The following NEDD4L variants were observed in gnomAD, a reference collection of about 807,000 sequenced individuals.
NEDD4L encodes E3 ubiquitin-protein ligase NEDD4-like.
A neutral mutation model predicts 148.9 loss-of-function variants in NEDD4L; 54 were observed. That is an observed-to-expected ratio of 0.36 (90% CI 0.29 to 0.45). The LOEUF (loss-of-function observed/expected upper bound fraction) is 0.45, where lower values mean the gene tolerates loss of function less well. NEDD4L is among the 20% of genes least tolerant of loss of function. NEDD4L has a pLI of 1.00. For missense variants in NEDD4L, 856 were observed against 1,233.8 expected (o/e 0.69, Z 4.59); for synonymous variants, 433 against 440.7 (o/e 0.98, Z 0.22).
rs143393444 is a variant in NEDD4L at position 58,071,756 on chromosome 18, A to G, written c.48+27048A>G. Among the ~76,000 whole-genome samples the G allele has an allele frequency of 4.2e-3, 642 of 152,352 alleles. 10 individuals carry two copies. Among genetic ancestry groups the G allele is most frequent in the Admixed American group, 0.027 (418 of 15,300 alleles). On this transcript the variant is annotated intron_variant, in intron 1 of 30. Coordinates refer to ENST00000400345, the MANE Select transcript of NEDD4L (RefSeq NM_001144967.3). ...ACATGGCTGGGGAGGCCTCACAATC[A>G]TGGCAGAAGGCGAATGAGGTGCAAA...
intron 1 of NEDD4L, among the ~76,000 whole-genome samples, chr18:58,158,626 T>C (rs11660749): frequency 0.45 from 68,267 of 152,056 alleles, 15,966 homozygotes; most frequent in Admixed American, 0.54. Flanking sequence ...GAAACTCATA[T>C]CCTTAGGGTG....
chr18:58,194,374 T>C (rs2040438552), intron 2 of NEDD4L, among the ~76,000 whole-genome samples: 1 of 152,232 alleles, frequency 6.6e-6, no homozygotes, highest in Non-Finnish European at 1.5e-5. Flanking sequence ...GTCGTTCTTA[T>C]CTTATCGAAG....
chr18:58,258,156 T>C (rs2048848421), intron 5 of NEDD4L, among the ~76,000 whole-genome samples: 2 of 152,200 alleles, frequency 1.3e-5, no homozygotes, highest in Non-Finnish European at 2.9e-5. Flanking sequence ...CTCAAACTCT[T>C]CTATTGGGAA....
At chr18:58,313,259 G>A (rs2057902566) in intron 5 of NEDD4L, among the ~76,000 whole-genome samples, 1 of 149,010 alleles carries the variant, frequency 6.7e-6, no homozygotes, top group Admixed American at 6.6e-5. Context: ...ATCTTTTACT[G>A]TTTTAAAACA....
chr18:58,257,406 T>C (rs1600325921), intron 5 of NEDD4L, among the ~76,000 whole-genome samples: 2 of 151,320 alleles, frequency 1.3e-5, no homozygotes, highest in East Asian at 4.0e-4. Flanking sequence ...GTGACATTAC[T>C]ATCCCACAAG....
At chr18:58,372,994 G>C in intron 23 of NEDD4L, 180 bp from the exon 24 acceptor site, 1 of 531,474 alleles carries the variant, frequency 1.9e-6, no homozygotes, top group Non-Finnish European at 3.3e-6. Flanking sequence ...AACTAAAGCA[G>C]TTTGTTTGTT....
At chr18:58,278,446 C>T (rs199599333) in intron 5 of NEDD4L, among the ~76,000 whole-genome samples, 55 of 152,328 alleles carry the variant, frequency 3.6e-4, no homozygotes, top group East Asian at 2.3e-3. Flanking sequence ...CACCTCCAGA[C>T]GGACCCCTTC....
chr18:58,380,546 G>A (rs1364189488), intron 24 of NEDD4L, among the ~76,000 whole-genome samples: 1 of 152,044 alleles, frequency 6.6e-6, no homozygotes, highest in Non-Finnish European at 1.5e-5. Context: ...TCGAACTCCT[G>A]ACCTCGTGAT....
chr18:58,312,683 T>G (rs1213128246), intron 5 of NEDD4L, among the ~76,000 whole-genome samples: 2 of 152,196 alleles, frequency 1.3e-5, no homozygotes, highest in Non-Finnish European at 2.9e-5. Context: ...TTTGTTTGTT[T>G]GTTTGTTTGT....
chr18:58,053,175 C>T (rs532089424), intron 1 of NEDD4L, among the ~76,000 whole-genome samples: 1 of 152,290 alleles, frequency 6.6e-6, no homozygotes, highest in East Asian at 1.9e-4. Flanking sequence ...AGATGGATTG[C>T]TTGAGTGGCT....
intron 2 of NEDD4L, among the ~76,000 whole-genome samples, chr18:58,168,947 G>A (rs898314546): frequency 1.3e-5 from 2 of 152,212 alleles, no homozygotes; most frequent in Non-Finnish European, 2.9e-5. Context: ...GCTTGGGGAT[G>A]CAGGATGGTC....
chr18:58,344,752 G>A (rs1437044724), intron 16 of NEDD4L, among the ~76,000 whole-genome samples: 1 of 152,028 alleles, frequency 6.6e-6, no homozygotes, highest in African/African-American at 2.4e-5. Flanking sequence ...TATTACCATG[G>A]AACCCCTGGC....
At chr18:58,323,875 G>A (rs192827320) in intron 8 of NEDD4L, among the ~76,000 whole-genome samples, 284 of 152,248 alleles carry the variant, frequency 1.9e-3, no homozygotes, top group Non-Finnish European at 2.0e-3. Flanking sequence ...GACTGATGCT[G>A]TGGGTCCTAT....
chr18:58,330,655 T>C (rs954056343), intron 10 of NEDD4L, 83 bp from the exon 11 acceptor site: 1 of 1,098,510 alleles, frequency 9.1e-7, no homozygotes, highest in Non-Finnish European at 1.2e-6. Context: ...ACCGGGGCTA[T>C]TGTTGTTACA....
At chr18:58,221,408 C>CGGG (rs1247574118) in intron 2 of NEDD4L, 1 of 245,652 alleles carries the variant, frequency 4.1e-6, no homozygotes, top group Non-Finnish European at 6.5e-6. Context: ...GATAAGGCCC[C>CGGG]GGGTGATGAT....
chr18:58,327,658 C>G lies in NEDD4L; in HGVS notation c.681-1337C>G, dbSNP rs543040143. Among the ~76,000 whole-genome samples the G allele has an allele frequency of 1.5e-4, 23 of 152,308 alleles. No homozygotes were observed. The East Asian group carries it at 4.4e-3, about 29-fold the overall frequency. On this transcript the variant is annotated intron_variant, in intron 9 of 30. Transcript: ENST00000400345. ...CCTTTATTGGGATACAGTATAAGTT[C>G]ATTTCAGAATGTGTGAGAAAACTTT... is the stretch of plus-strand genomic sequence containing the variant.
chr18:58,343,265 C>T (rs1483115712), intron 16 of NEDD4L, among the ~76,000 whole-genome samples, 162 bp downstream of exon 16: 1 of 116,346 alleles, frequency 8.6e-6, no homozygotes, highest in Non-Finnish European at 1.8e-5. Flanking sequence ...CATAAATGGG[C>T]GGGTGGGAGT....
intron 9 of NEDD4L, among the ~76,000 whole-genome samples, chr18:58,327,576 G>T (rs2059418072): frequency 1.3e-5 from 2 of 152,176 alleles, no homozygotes; most frequent in South Asian, 4.1e-4. Flanking sequence ...CTTCTAGAAG[G>T]CAAGAGGAAA....
intron 1 of NEDD4L, among the ~76,000 whole-genome samples, chr18:58,070,315 A>C (rs547220062): frequency 2.6e-5 from 4 of 151,866 alleles, no homozygotes; most frequent in Admixed American, 2.6e-4. Flanking sequence ...CCTAGCCTGG[A>C]GTGCAGTGGT....
Sources: gnomAD v4.1 joint callset for allele counts (sites outside exome capture counted in the v4.1 genomes callset) on GRCh38, gnomAD v4.1.1 for gene constraint, MANE v1.5 for transcripts, NCBI Gene and HGNC (gene_info 2026-07-23, HGNC 2026-07-21) for gene names.